The following LGR5 variants were observed in gnomAD, a reference collection of about 807,000 sequenced individuals.
LGR5 encodes leucine-rich repeat-containing G protein-coupled receptor 5.
Under a neutral mutation model 76.7 loss-of-function variants are expected in LGR5, and 54 were observed. That is an observed-to-expected ratio of 0.70 (90% CI 0.57 to 0.88). The LOEUF is 0.88. LGR5 is among the 40% of genes least tolerant of loss of function. The probability of loss-of-function intolerance (pLI) is 0.00; values close to 1 mark genes in which losing one functional copy is unlikely to be tolerated. For missense variants in LGR5, 1,078 were observed against 1,073.3 expected (o/e 1.00, Z -0.06); for synonymous variants, 406 against 421.9 (o/e 0.96, Z 0.46).
chr12:71,578,824 T>G lies in LGR5; in HGVS notation c.1301T>G (p.Leu434Arg). The G allele has an allele frequency of 6.2e-7, 1 of 1,610,780 alleles. No individual in the cohort carries two copies. The highest frequency in any genetic ancestry group is 8.5e-7 in the Non-Finnish European group (1 of 1,178,234). The change falls in exon 15 of 18, where the codon CTG (leucine) becomes CGG (arginine). Residue 434 changes from leucine to arginine, a missense_variant. Leu to Arg is a moderately radical substitution (Grantham distance 102, BLOSUM62 -2). Coordinates refer to ENST00000266674, the MANE Select transcript of LGR5 (RefSeq NM_003667.4). ...LIKLDLSSNL[L>R]SSFPITGLHG... ...TGCAGGGACCTATCGTCCAACCTCCTGTCGTCTTTTCCTATAACTGGGTTA... is the reference window on the plus strand; with the variant it reads ...TGCAGGGACCTATCGTCCAACCTCCGGTCGTCTTTTCCTATAACTGGGTTA...
chr12:71,583,549 T>C lies in LGR5; in HGVS notation c.1637-98T>C, dbSNP rs1176255070. 8.6e-6 allele frequency: 12 copies of C among 1,392,356 alleles called. No homozygotes were observed. The East Asian group carries it at 2.5e-4, about 29-fold the overall frequency. 86.3% of individuals were successfully genotyped at this position (1,392,356 alleles called of 1,614,324 possible). On this transcript the variant is annotated intron_variant, in intron 17 of 17. Coordinates refer to ENST00000266674, the MANE Select transcript of LGR5 (RefSeq NM_003667.4). ...GTGTTATTAGGCTGTTTTTGACCAT[T>C]ATCTCTTGGCATCCTAAATAAAGAG...
At chr12:71,550,418 C>A (rs1161413198) in intron 4 of LGR5, among the ~76,000 whole-genome samples, 4 of 148,770 alleles carry the variant, frequency 2.7e-5, no homozygotes, top group Non-Finnish European at 4.4e-5. Flanking sequence ...CAGGCATGAA[C>A]CACTGCGCGC....
At chr12:71,483,015 T>G (rs1211426021) in intron 1 of LGR5, among the ~76,000 whole-genome samples, 1 of 151,970 alleles carries the variant, frequency 6.6e-6, no homozygotes, top group Non-Finnish European at 1.5e-5. Flanking sequence ...CTAAGACAAA[T>G]TTGGGAAAAT....
chr12:71,526,777 A>C (rs1341846129), intron 3 of LGR5, among the ~76,000 whole-genome samples: 2 of 152,118 alleles, frequency 1.3e-5, no homozygotes, highest in African/African-American at 4.8e-5. Flanking sequence ...GGTGGCTCAG[A>C]TTTGGCTTCC....
At chr12:71,493,943 ATTTT>A (rs547681278) in intron 1 of LGR5, among the ~76,000 whole-genome samples, 3 of 116,600 alleles carry the variant, frequency 2.6e-5, no homozygotes, top group Non-Finnish European at 3.5e-5. Flanking sequence ...TAATTTTTTG[ATTTT>A]TTTTTTTTTT....
intron 1 of LGR5, among the ~76,000 whole-genome samples, chr12:71,476,856 T>C (rs1425042411): frequency 1.3e-5 from 2 of 152,076 alleles, no homozygotes; most frequent in African/African-American, 4.8e-5. Context: ...ATTAGAAAAA[T>C]AAAACGTTAT....
intron 1 of LGR5, among the ~76,000 whole-genome samples, chr12:71,443,521 C>A (rs539435537): frequency 1.3e-5 from 2 of 152,138 alleles, no homozygotes; most frequent in South Asian, 4.1e-4. Context: ...AAATAAGGAA[C>A]GCACCAAGGT....
intron 11 of LGR5, among the ~76,000 whole-genome samples, chr12:71,569,057 G>T (rs368503999): frequency 1.3e-5 from 2 of 152,182 alleles, no homozygotes; most frequent in East Asian, 3.8e-4. Context: ...CTTGGCAATG[G>T]GCAAAGGATT....
At chr12:71,518,217 A>G (rs769769103) in intron 2 of LGR5, among the ~76,000 whole-genome samples, 32 of 152,232 alleles carry the variant, frequency 2.1e-4, no homozygotes, top group Non-Finnish European at 4.0e-4. Flanking sequence ...TCAAAAGAAG[A>G]CATACATGCA....
At chr12:71,550,868 A>C (rs958615370) in intron 4 of LGR5, among the ~76,000 whole-genome samples, 22 of 152,356 alleles carry the variant, frequency 1.4e-4, no homozygotes, top group African/African-American at 4.6e-4. Context: ...AATCAGTGCA[A>C]TAGTTAAGGA....
At chr12:71,521,331 C>T (rs550353871) in intron 2 of LGR5, among the ~76,000 whole-genome samples, 83 of 152,246 alleles carry the variant, frequency 5.5e-4, no homozygotes, top group African/African-American at 1.9e-3. Context: ...CATCCTGATT[C>T]GATTATTCAT....
chr12:71,490,564 C>T (rs57448926), intron 1 of LGR5, among the ~76,000 whole-genome samples: 3,492 of 152,092 alleles, frequency 0.023, 135 homozygotes, highest in African/African-American at 0.08. Flanking sequence ...AAATGTATAA[C>T]GGTATGTTGA....
At chr12:71,459,102 T>A (rs1026217035) in intron 1 of LGR5, among the ~76,000 whole-genome samples, 1 of 152,010 alleles carries the variant, frequency 6.6e-6, no homozygotes, top group African/African-American at 2.4e-5. Flanking sequence ...GTAAGACCAG[T>A]ATGTACCTTA....
intron 13 of LGR5, among the ~76,000 whole-genome samples, chr12:71,575,066 C>A (rs983694148): frequency 6.6e-6 from 1 of 152,100 alleles, no homozygotes; most frequent in Non-Finnish European, 1.5e-5. Context: ...AGTGTGCCTG[C>A]GTTTGAATTG....
rs1871724939 is a variant in LGR5, at chr12:71,440,702, A to C, written c.212+410A>C. Reference sequence around the variant, plus strand: ...GCCTCTCTGCGTCTAGTCGCATTCCACGAAAAGATGGTCTGTAGAAAGTTT... The same window carrying C: ...GCCTCTCTGCGTCTAGTCGCATTCCCCGAAAAGATGGTCTGTAGAAAGTTT... On this transcript the variant is annotated intron_variant, in intron 1 of 17. Coordinates refer to ENST00000266674, the MANE Select transcript of LGR5 (RefSeq NM_003667.4). This position sits in a 1 kb window ranked among gnomAD's most constrained non-coding sequence, Gnocchi z 5.3. Among the ~76,000 whole-genome samples, 1 of 152,084 alleles carries C rather than the reference A, an allele frequency of 6.6e-6. No homozygotes were observed. Among genetic ancestry groups the C allele is most frequent in the Non-Finnish European group, 1.5e-5 (1 of 68,016 alleles).
Position 71,584,860 on chromosome 12 carries a change from T to G in LGR5, c.*126T>G. 2 of 951,670 alleles carry G rather than the reference T, an allele frequency of 2.1e-6. No individual in the cohort carries two copies. Among genetic ancestry groups the G allele is most frequent in the Non-Finnish European group, 3.1e-6 (2 of 639,776 alleles). 59.0% of individuals were successfully genotyped at this position (951,670 alleles called of 1,614,324 possible). On this transcript the variant is annotated 3_prime_UTR_variant, in exon 18 of 18. Coordinates refer to ENST00000266674, the MANE Select transcript of LGR5 (RefSeq NM_003667.4). ...GGTTTAAAAACCAAAAAAGAATCTCTCAGTTAGTAAGAAAAGGCTGAAAAC... is the reference window on the plus strand; with the variant it reads ...GGTTTAAAAACCAAAAAAGAATCTCGCAGTTAGTAAGAAAAGGCTGAAAAC...
chr12:71,558,317 A>G (rs578253915), intron 6 of LGR5, among the ~76,000 whole-genome samples: 27 of 152,116 alleles, frequency 1.8e-4, no homozygotes, highest in African/African-American at 5.5e-4. Flanking sequence ...TTTCCCCTCA[A>G]TGTTTGGGGT....
At chr12:71,551,384 G>A (rs1243426066) in intron 4 of LGR5, among the ~76,000 whole-genome samples, 1 of 152,198 alleles carries the variant, frequency 6.6e-6, no homozygotes, top group Non-Finnish European at 1.5e-5. Context: ...TGATCCTGGT[G>A]TGCTTCCTGC....
chr12:71,509,518 C>T (rs1477894211), intron 2 of LGR5, among the ~76,000 whole-genome samples: 1 of 152,138 alleles, frequency 6.6e-6, no homozygotes, highest in East Asian at 1.9e-4. Context: ...TCTCCTCCTT[C>T]TATTTACTCA....
Sources: gnomAD v4.1 joint callset for allele counts (sites outside exome capture counted in the v4.1 genomes callset) on GRCh38, gnomAD v4.1.1 for gene constraint, Gnocchi (gnomAD v3.1) non-coding constraint, MANE v1.5 for transcripts, NCBI Gene and HGNC (gene_info 2026-07-23, HGNC 2026-07-21) for gene names.